REDIC1: variants seen among roughly 807,000 people sequenced by gnomAD.
The protein encoded by REDIC1 is regulator of DNA class I crossover intermediates 1, also known as HEI10 Interacting Protein 1.
the REDIC1 span, among the ~76,000 whole-genome samples, chr12:39,880,348 T>C: frequency 6.6e-6 from 1 of 152,242 alleles, no homozygotes; most frequent in Non-Finnish European, 1.5e-5. Flanking sequence ...AAGAACTATT[T>C]TTAAAAAATT....
At chr12:39,750,273 AACAG>A in the REDIC1 span, among the ~76,000 whole-genome samples, 7 of 152,040 alleles carry the variant, frequency 4.6e-5, no homozygotes, top group Admixed American at 6.6e-5. Flanking sequence ...ATACACCAAT[AACAG>A]ACAGAGAGCC....
the REDIC1 span, among the ~76,000 whole-genome samples, chr12:39,886,904 G>C: frequency 6.6e-6 from 1 of 152,170 alleles, no homozygotes. Context: ...GCCAAGTAGT[G>C]TCCAGATGTG....
At chr12:39,748,122 C>CACAG in the REDIC1 span, among the ~76,000 whole-genome samples, 20,498 of 150,890 alleles carry the variant, frequency 0.14, 1,611 homozygotes, top group East Asian at 0.39. Context: ...AATTAAAAGA[C>CACAG]ACTGGCACAT....
At chr12:39,815,832 C>T in the REDIC1 span, among the ~76,000 whole-genome samples, 1 of 152,122 alleles carries the variant, frequency 6.6e-6, no homozygotes, top group Admixed American at 6.5e-5. Context: ...CACAGTACAA[C>T]ATTCTATAAA....
At chr12:39,905,346 C>G in the REDIC1 span, among the ~76,000 whole-genome samples, 2 of 152,116 alleles carry the variant, frequency 1.3e-5, no homozygotes, top group Non-Finnish European at 2.9e-5. Flanking sequence ...TAATACTGCT[C>G]ATCCAAGCTG....
chr12:39,674,606 A>G, the REDIC1 span, among the ~76,000 whole-genome samples: 3 of 152,208 alleles, frequency 2.0e-5, no homozygotes, highest in African/African-American at 7.2e-5. Flanking sequence ...TTCCAAACAC[A>G]CATCTCCACT....
At chr12:39,794,596 AG>A in the REDIC1 span, among the ~76,000 whole-genome samples, 2 of 152,212 alleles carry the variant, frequency 1.3e-5, no homozygotes, top group Admixed American at 6.5e-5. Flanking sequence ...GGTTCAAAGA[AG>A]GCAAAGGCAG....
At chr12:39,904,758 ATTTAT>A in the REDIC1 span, among the ~76,000 whole-genome samples, 15 of 152,112 alleles carry the variant, frequency 9.9e-5, no homozygotes, top group African/African-American at 3.6e-4. Context: ...AAAATGTTCT[ATTTAT>A]TTTAATATCT....
chr12:39,655,330 C>A, the REDIC1 span, among the ~76,000 whole-genome samples: 1 of 152,164 alleles, frequency 6.6e-6, no homozygotes, highest in South Asian at 2.1e-4. Flanking sequence ...GATTTTATAT[C>A]TTTCTCTTGT....
chr12:39,887,184 TA>T, the REDIC1 span, among the ~76,000 whole-genome samples: 1 of 152,240 alleles, frequency 6.6e-6, no homozygotes, highest in Non-Finnish European at 1.5e-5. Flanking sequence ...TCATTTTTGA[TA>T]AAGTCTTTTG....
chr12:39,719,862 C>A, the REDIC1 span, among the ~76,000 whole-genome samples: 2 of 151,892 alleles, frequency 1.3e-5, no homozygotes, highest in Non-Finnish European at 2.9e-5. Context: ...ATATCCATCC[C>A]CTTGAGTATT....
the REDIC1 span, among the ~76,000 whole-genome samples, chr12:39,840,621 C>T: frequency 1.5e-4 from 23 of 151,972 alleles, no homozygotes; most frequent in African/African-American, 5.3e-4. Context: ...CTTTCCTATA[C>T]TTCCTTTGCT....
the REDIC1 span, among the ~76,000 whole-genome samples, chr12:39,846,904 G>C: frequency 6.6e-6 from 1 of 152,144 alleles, no homozygotes; most frequent in African/African-American, 2.4e-5. Context: ...GGCAGATACT[G>C]TGACCATTCT....
the REDIC1 span, among the ~76,000 whole-genome samples, chr12:39,713,809 G>A: frequency 3.4e-5 from 5 of 147,332 alleles, no homozygotes; most frequent in Non-Finnish European, 6.0e-5. Context: ...ATATGCATGT[G>A]TATATATACG....
At chr12:39,671,191 G>A in the REDIC1 span, among the ~76,000 whole-genome samples, 1 of 152,128 alleles carries the variant, frequency 6.6e-6, no homozygotes, top group South Asian at 2.1e-4. Flanking sequence ...CTTTCACAGG[G>A]GAAGACTTTT....
chr12:39,643,156 A>G, the REDIC1 span, among the ~76,000 whole-genome samples: 1 of 151,748 alleles, frequency 6.6e-6, no homozygotes, highest in South Asian at 2.1e-4. Context: ...AAATGAATTA[A>G]TGATGTAACC....
chr12:39,654,977 G>T, the REDIC1 span, among the ~76,000 whole-genome samples: 1 of 152,088 alleles, frequency 6.6e-6, no homozygotes, highest in South Asian at 2.1e-4. Flanking sequence ...GTTTTACTAG[G>T]AATTTGTCCA....
the REDIC1 span, among the ~76,000 whole-genome samples, chr12:39,713,062 TGTGTATACACGTGCATAC>T: frequency 9.6e-6 from 1 of 103,632 alleles, no homozygotes; most frequent in Non-Finnish European, 2.1e-5. Context: ...TACGTGTATA[TGTGTATACACGTGCATAC>T]GTGTATGTGT....
At chr12:39,678,767 A>G in the REDIC1 span, among the ~76,000 whole-genome samples, 43 of 152,288 alleles carry the variant, frequency 2.8e-4, no homozygotes, top group Admixed American at 2.6e-3. Flanking sequence ...AGTGAGTTTC[A>G]TACCAGGGAT....
Sources: gnomAD v4.1 joint callset for allele counts (sites outside exome capture counted in the v4.1 genomes callset) on GRCh38, gnomAD v4.1.1 for gene constraint, MANE v1.5 for transcripts, NCBI Gene and HGNC (gene_info 2026-07-23, HGNC 2026-07-21) for gene names.